The following SPMAP2L variants were observed in gnomAD, a reference collection of about 807,000 sequenced individuals.
SPMAP2L encodes the protein sperm microtubule associated protein 2-like.
the SPMAP2L span, among the ~76,000 whole-genome samples, chr4:56,586,968 A>G: frequency 6.6e-6 from 1 of 152,276 alleles, no homozygotes; most frequent in Admixed American, 6.5e-5. Flanking sequence ...CATGGATTTT[A>G]TATGCAGAAA....
the SPMAP2L span, among the ~76,000 whole-genome samples, chr4:56,535,597 CA>C: frequency 6.6e-6 from 1 of 152,150 alleles, no homozygotes; most frequent in Non-Finnish European, 1.5e-5. Context: ...GTTTTTGAGA[CA>C]TGAGTCTTGC....
chr4:56,575,664 T>G, the SPMAP2L span: 1 of 1,531,018 alleles, frequency 6.5e-7, no homozygotes, highest in Non-Finnish European at 8.7e-7. Context: ...TGAGAATCTC[T>G]GTAAATCCTA....
the SPMAP2L span, among the ~76,000 whole-genome samples, chr4:56,616,120 T>G: frequency 5.9e-5 from 9 of 152,096 alleles, no homozygotes; most frequent in Non-Finnish European, 1.2e-4. Context: ...ATAGTCCAGG[T>G]GGCTTAAACA....
the SPMAP2L span, among the ~76,000 whole-genome samples, chr4:56,549,209 G>A: frequency 7.9e-5 from 12 of 151,934 alleles, no homozygotes; most frequent in African/African-American, 2.9e-4. Flanking sequence ...GGATGGTCTC[G>A]ATCTCCTGAC....
At chr4:56,581,194 A>C in the SPMAP2L span, among the ~76,000 whole-genome samples, 1,036 of 152,088 alleles carry the variant, frequency 6.8e-3, 14 homozygotes, top group African/African-American at 0.024. Flanking sequence ...GTGGCTTACA[A>C]CTATAATCAC....
the SPMAP2L span, chr4:56,603,392 T>C: frequency 8.8e-7 from 1 of 1,141,468 alleles, no homozygotes; most frequent in South Asian, 1.8e-5. Flanking sequence ...CTTAGTTCCC[T>C]GTTGCGGTAC....
the SPMAP2L span, among the ~76,000 whole-genome samples, chr4:56,571,868 A>T: frequency 6.6e-6 from 1 of 152,058 alleles, no homozygotes; most frequent in African/African-American, 2.4e-5. Context: ...AACAAACATT[A>T]GCCTAAGCCT....
the SPMAP2L span, among the ~76,000 whole-genome samples, chr4:56,623,599 G>A: frequency 6.6e-6 from 1 of 152,186 alleles, no homozygotes; most frequent in Non-Finnish European, 1.5e-5. Flanking sequence ...TGTTGTGGGA[G>A]GGACTGAGAA....
At chr4:56,570,153 G>A in the SPMAP2L span, among the ~76,000 whole-genome samples, 1 of 152,024 alleles carries the variant, frequency 6.6e-6, no homozygotes, top group Non-Finnish European at 1.5e-5. Flanking sequence ...CTCAGCCTAG[G>A]TCTCAGCTTT....
the SPMAP2L span, chr4:56,593,129 A>T: frequency 1.3e-6 from 2 of 1,578,504 alleles, no homozygotes; most frequent in Non-Finnish European, 1.7e-6. Flanking sequence ...CTCAGGATGG[A>T]TCACCCAGTA....
the SPMAP2L span, among the ~76,000 whole-genome samples, chr4:56,543,176 C>T: frequency 6.6e-6 from 1 of 151,824 alleles, no homozygotes; most frequent in Non-Finnish European, 1.5e-5. Context: ...CTCCGCCTCC[C>T]GGGTTCACGC....
the SPMAP2L span, among the ~76,000 whole-genome samples, chr4:56,561,754 T>G: frequency 6.6e-6 from 1 of 152,134 alleles, no homozygotes; most frequent in African/African-American, 2.4e-5. Flanking sequence ...AGATGGAGTC[T>G]TCTTCTGTTG....
At chr4:56,623,180 C>T in the SPMAP2L span, among the ~76,000 whole-genome samples, 2 of 152,266 alleles carry the variant, frequency 1.3e-5, no homozygotes, top group African/African-American at 4.8e-5. Flanking sequence ...GGCTTTCTTT[C>T]CTAAATAGTG....
the SPMAP2L span, among the ~76,000 whole-genome samples, chr4:56,609,747 T>A: frequency 6.6e-6 from 1 of 152,194 alleles, no homozygotes; most frequent in Non-Finnish European, 1.5e-5. Flanking sequence ...TCATCCCTTT[T>A]TCCGTTTTTA....
At chr4:56,593,455 G>A in the SPMAP2L span, 1 of 1,583,770 alleles carries the variant, frequency 6.3e-7, no homozygotes, top group Admixed American at 1.7e-5. Context: ...CCAGTACCCA[G>A]ACACGGAGGG....
the SPMAP2L span, among the ~76,000 whole-genome samples, chr4:56,597,521 T>G: frequency 5.9e-5 from 9 of 152,302 alleles, no homozygotes; most frequent in South Asian, 1.9e-3. Flanking sequence ...AACTGAGGAT[T>G]TAATATGGAA....
the SPMAP2L span, among the ~76,000 whole-genome samples, chr4:56,586,179 T>C: frequency 6.6e-6 from 1 of 152,158 alleles, no homozygotes; most frequent in Non-Finnish European, 1.5e-5. Context: ...CTTAGTCAGC[T>C]TGGGCTGCTG....
At chr4:56,616,806 A>C in the SPMAP2L span, among the ~76,000 whole-genome samples, 6 of 152,134 alleles carry the variant, frequency 3.9e-5, no homozygotes, top group Non-Finnish European at 8.8e-5. Flanking sequence ...TCATCTGCCA[A>C]CTCAGATGTT....
the SPMAP2L span, among the ~76,000 whole-genome samples, chr4:56,591,258 G>A: frequency 6.6e-6 from 1 of 152,090 alleles, no homozygotes; most frequent in South Asian, 2.1e-4. Flanking sequence ...TTCCCACCAT[G>A]TAAGATGTGC....
Sources: allele counts gnomAD v4.1 joint callset (sites outside exome capture counted in the v4.1 genomes callset), GRCh38; gene constraint gnomAD v4.1.1; transcripts MANE v1.5; gene names NCBI Gene and HGNC (gene_info 2026-07-23, HGNC 2026-07-21).